KCTD14: variants seen among roughly 807,000 people sequenced by gnomAD.
The protein encoded by KCTD14 is potassium channel tetramerization domain containing 14.
Under a neutral mutation model 5.9 loss-of-function variants are expected in KCTD14, and 7 were observed. That is an observed-to-expected ratio of 1.19 (90% CI 0.68 to 2.23). The LOEUF (loss-of-function observed/expected upper bound fraction) is 2.23. KCTD14 is among the 30% of genes most tolerant of loss of function. The pLI, the probability that KCTD14 is intolerant of heterozygous loss-of-function variation, is 0.00. For missense variants in KCTD14, 342 were observed against 332.2 expected (o/e 1.03, Z -0.23); for synonymous variants, 140 against 133.1 (o/e 1.05, Z -0.36).
chr11:78,031,830 A>G (rs1340958705), intron 2 of KCTD14, among the ~76,000 whole-genome samples: 3 of 152,248 alleles, frequency 2.0e-5, no homozygotes, highest in African/African-American at 7.2e-5. Context: ...GAATAACCAC[A>G]GAAATGAATA....
At chr11:78,038,625 C>A (rs1286159161) in intron 2 of KCTD14, 2 of 1,534,218 alleles carry the variant, frequency 1.3e-6, no homozygotes, top group East Asian at 2.4e-5. Context: ...CTCACACAGC[C>A]CAGACACCTG....
chr11:78,021,376 C>A (rs933170299), intron 1 of KCTD14, among the ~76,000 whole-genome samples: 9 of 150,916 alleles, frequency 6.0e-5, no homozygotes, highest in Admixed American at 3.3e-4. Flanking sequence ...TCAAACAAGA[C>A]CTCAGCCGTG....
At chr11:78,029,420 G>T (rs1001154050) in intron 2 of KCTD14, among the ~76,000 whole-genome samples, 1 of 152,128 alleles carries the variant, frequency 6.6e-6, no homozygotes, top group African/African-American at 2.4e-5. Flanking sequence ...GATTTGCAGG[G>T]TAATTCCCCA....
Position 78,016,949 on chromosome 11 carries a change from A to C in KCTD14, c.412T>G (p.Phe138Val). Residue 138 changes from phenylalanine to valine, a missense_variant, in exon 2 of 2, where the codon TTT becomes GTT. Transcript: ENST00000353172. ...IFGEQVSRKQ[F>V]LLQVPGYSEN... ...CTGTAGCCCGGCACTTGCAGCAAAA[A>C]CTGCTTCCGAGACACCTGCTCACCA... The C allele has an allele frequency of 6.2e-7, 1 of 1,614,088 alleles. No homozygotes were observed. The highest frequency in any genetic ancestry group is 1.1e-5 in the South Asian group (1 of 91,074).
chr11:78,023,291 C>G (rs371714618), upstream of KCTD14: 218 of 1,595,264 alleles, frequency 1.4e-4, no homozygotes, highest in Non-Finnish European at 1.8e-4. Flanking sequence ...GGCTGCCCGC[C>G]CCTAGGTGGG....
chr11:78,043,357 A>T (rs1022807292), intron 1 of KCTD14, among the ~76,000 whole-genome samples: 1 of 152,248 alleles, frequency 6.6e-6, no homozygotes, highest in Non-Finnish European at 1.5e-5. Context: ...AATAACTGTC[A>T]TCGCTAAAAA....
chr11:78,016,613 A>G lies in KCTD14; in HGVS notation c.748T>C (p.Phe250Leu). Reference protein sequence around the residue: ...RNEFHFNIYSFTFTWW With the variant: ...RNEFHFNIYSLTFTWW ...GAGGATCACCACCAGGTGAAGGTGA[A>G]TGAATAAATGTTAAAATGGAATTCG... Residue 250 changes from phenylalanine (F) to leucine (L), a missense_variant, in exon 2 of 2, where the codon TTC becomes CTC. Transcript: ENST00000353172. 1 of 1,613,686 alleles carries G rather than the reference A, an allele frequency of 6.2e-7. No individual in the cohort carries two copies. The highest frequency in any genetic ancestry group is 1.1e-5 in the South Asian group (1 of 91,082).
chr11:78,019,749 C>A (rs1311417561), intron 1 of KCTD14, among the ~76,000 whole-genome samples: 1 of 152,276 alleles, frequency 6.6e-6, no homozygotes, highest in East Asian at 1.9e-4. Context: ...TCACAAACTG[C>A]GAAGTGCAGT....
chr11:78,038,535 C>T, intron 2 of KCTD14: 1 of 1,089,910 alleles, frequency 9.2e-7, no homozygotes, highest in Non-Finnish European at 1.3e-6. Context: ...CGCACCCCAT[C>T]TGGCTCCCCG....
At chr11:78,024,977 G>T (rs1484143941), upstream of KCTD14, among the ~76,000 whole-genome samples, 2 of 142,626 alleles carry the variant, frequency 1.4e-5, no homozygotes, top group Admixed American at 7.1e-5. Flanking sequence ...AAAACTAATG[G>T]TATATATACA....
intron 1 of KCTD14, among the ~76,000 whole-genome samples, chr11:78,022,697 G>C (rs977295196): frequency 6.6e-6 from 1 of 152,036 alleles, no homozygotes; most frequent in Non-Finnish European, 1.5e-5. Flanking sequence ...CAGAGGGCAG[G>C]GGCAGGCTGA....
upstream of KCTD14, among the ~76,000 whole-genome samples, chr11:78,025,752 T>A (rs1415443285): frequency 6.6e-6 from 1 of 152,068 alleles, no homozygotes; most frequent in African/African-American, 2.4e-5. Flanking sequence ...AAGAGTTAGG[T>A]ATCTGTTTTG....
intron 1 of KCTD14, among the ~76,000 whole-genome samples, chr11:78,021,781 C>A (rs1857316724): frequency 6.6e-6 from 1 of 152,160 alleles, no homozygotes; most frequent in South Asian, 2.1e-4. Flanking sequence ...ACTTGAGTAA[C>A]TTTTCATTCC....
At chr11:78,039,279 G>A (rs1460949941) in intron 1 of KCTD14, among the ~76,000 whole-genome samples, 2 of 152,050 alleles carry the variant, frequency 1.3e-5, no homozygotes, top group Admixed American at 6.6e-5. Flanking sequence ...CACTTTGAGA[G>A]GCCGAGGCAG....
chr11:78,029,949 T>C (rs1857570002), intron 2 of KCTD14, among the ~76,000 whole-genome samples: 1 of 151,728 alleles, frequency 6.6e-6, no homozygotes, highest in African/African-American at 2.4e-5. Flanking sequence ...GCCTGGCTAA[T>C]TTTTTTTGTA....
Position 78,016,268 on chromosome 11 carries a change from T to C in KCTD14, c.*325A>G. 2.8e-6 allele frequency: 1 copy of C among 353,182 alleles called. No homozygotes were observed. The highest frequency in any genetic ancestry group is 3.4e-5 in the South Asian group (1 of 29,812). 21.9% of individuals were successfully genotyped at this position (353,182 alleles called of 1,614,324 possible). ...GAACATCTAGATTCACAGTATCTTG[T>C]ATGTTCCTGTTGTCATCTCACATCT... is the stretch of plus-strand genomic sequence containing the variant. On this transcript the variant is annotated 3_prime_UTR_variant, in exon 2 of 2. Coordinates refer to ENST00000353172, the MANE Select transcript of KCTD14 (RefSeq NM_023930.4).
At chr11:78,027,475 G>C (rs1182598511), upstream of KCTD14, among the ~76,000 whole-genome samples, 3 of 151,506 alleles carry the variant, frequency 2.0e-5, no homozygotes, top group Non-Finnish European at 4.4e-5. Flanking sequence ...CAATTCTCCT[G>C]CCTCAGCCTC....
At chr11:78,034,191 C>T (rs1857720947) in intron 2 of KCTD14, among the ~76,000 whole-genome samples, 1 of 152,080 alleles carries the variant, frequency 6.6e-6, no homozygotes, top group African/African-American at 2.4e-5. Flanking sequence ...GCCACAATCA[C>T]AGTTCACCAC....
rs1279600245 is a variant in KCTD14, at chr11:78,029,712, T to C, written c.-1+8952A>G. ...CATAAAGTTCAGCCAGAATAATTATTTTTACTAGGGTTTTTTAATAGGTTT... is the reference window on the plus strand; with the variant it reads ...CATAAAGTTCAGCCAGAATAATTATCTTTACTAGGGTTTTTTAATAGGTTT... On this transcript the variant is annotated intron_variant, in intron 2 of 2. Transcript: ENST00000533144. Among the ~76,000 whole-genome samples the C allele has an allele frequency of 2.0e-5, 3 of 152,172 alleles. No individual in the cohort carries two copies. In the East Asian group the frequency reaches 5.8e-4, roughly 29 times the overall value.
Sources: allele counts gnomAD v4.1 joint callset (sites outside exome capture counted in the v4.1 genomes callset), GRCh38; gene constraint gnomAD v4.1.1; transcripts MANE v1.5; gene names NCBI Gene and HGNC (gene_info 2026-07-23, HGNC 2026-07-21).